The following GNAQ variants were observed in gnomAD, a reference collection of about 807,000 sequenced individuals.
GNAQ encodes guanine nucleotide-binding protein G(q) subunit alpha.
A neutral mutation model predicts 43.9 loss-of-function variants in GNAQ; 8 were observed. The observed-to-expected ratio is 0.18, with a 90% CI of 0.11 to 0.33. The LOEUF (loss-of-function observed/expected upper bound fraction) is 0.33, where lower values mean the gene tolerates loss of function less well. Ranked by LOEUF, GNAQ falls within the 10% of genes least tolerant of loss-of-function variation. The pLI is 1.00. For synonymous variants in GNAQ, 155 were observed against 170.7 expected (o/e 0.91, Z 0.71); for missense variants, 158 against 450.8 (o/e 0.35, Z 5.88).
chr9:78,004,485 G>A (rs1823681889), intron 1 of GNAQ, among the ~76,000 whole-genome samples: 1 of 151,876 alleles, frequency 6.6e-6, no homozygotes, highest in African/African-American at 2.4e-5. Flanking sequence ...AGGTCCCCAG[G>A]AGATTCTCAT....
intron 1 of GNAQ, among the ~76,000 whole-genome samples, chr9:77,971,925 G>A (rs1184111195): frequency 6.6e-6 from 1 of 152,070 alleles, no homozygotes; most frequent in East Asian, 1.9e-4. Context: ...ATTGTGAATG[G>A]GAGTTCACTC....
chr9:78,015,666 A>G (rs1438665404), intron 1 of GNAQ, among the ~76,000 whole-genome samples: 2 of 152,202 alleles, frequency 1.3e-5, no homozygotes, highest in Non-Finnish European at 2.9e-5. Flanking sequence ...GAAACAGTAC[A>G]GACCACATTC....
intron 2 of GNAQ, among the ~76,000 whole-genome samples, chr9:77,855,177 A>C (rs1827732722): frequency 6.6e-6 from 1 of 152,202 alleles, no homozygotes; most frequent in Non-Finnish European, 1.5e-5. Context: ...CTGAAAACAT[A>C]AATGAAAATT....
At chr9:77,759,222 T>C (rs948866376) in intron 5 of GNAQ, among the ~76,000 whole-genome samples, 1 of 152,218 alleles carries the variant, frequency 6.6e-6, no homozygotes, top group Admixed American at 6.5e-5. Flanking sequence ...CTGAACTGAA[T>C]GCCATTATAA....
chr9:77,948,709 A>G (rs1822937060), intron 1 of GNAQ, among the ~76,000 whole-genome samples: 1 of 152,264 alleles, frequency 6.6e-6, no homozygotes, highest in South Asian at 2.1e-4. Context: ...GGTAAATTTT[A>G]TTTTCCTGAT....
intron 2 of GNAQ, among the ~76,000 whole-genome samples, chr9:77,871,733 A>G (rs1828041214): frequency 6.6e-6 from 1 of 152,200 alleles, no homozygotes; most frequent in Non-Finnish European, 1.5e-5. Context: ...AGTGTACTAT[A>G]AAAACATCAC....
chr9:77,753,841 A>G (rs900574030), intron 5 of GNAQ, among the ~76,000 whole-genome samples: 3 of 96,516 alleles, frequency 3.1e-5, no homozygotes, highest in Non-Finnish European at 9.2e-5. Flanking sequence ...TACTTGAATT[A>G]ATTAAAAAGC....
chr9:77,787,071 C>T (rs1386660552), intron 5 of GNAQ, among the ~76,000 whole-genome samples: 2 of 152,020 alleles, frequency 1.3e-5, no homozygotes, highest in Non-Finnish European at 2.9e-5. Flanking sequence ...AATCTAGACA[C>T]AAAAGAAAAT....
At position 77,753,787 on chromosome 9, in the gene GNAQ, A is replaced by C. The variant is rs566774919; in HGVS notation, c.736-25120T>G. 1.1e-4 allele frequency among the ~76,000 whole-genome samples: 16 copies of C among 152,308 alleles called. No homozygotes were observed. In the East Asian group the frequency reaches 2.9e-3, roughly 28 times the overall value. On this transcript the variant is annotated intron_variant, in intron 5 of 6. Transcript: ENST00000286548. ...CCTAAGCCCATTATTGTACAATATG[A>C]ATAACAGAAAAGGCACTGTATAGTC... is the stretch of plus-strand genomic sequence containing the variant.
At chr9:77,767,536 A>C (rs571256507) in intron 5 of GNAQ, among the ~76,000 whole-genome samples, 77 of 152,350 alleles carry the variant, frequency 5.1e-4, no homozygotes, top group African/African-American at 1.8e-3. Flanking sequence ...ATTATCAGCA[A>C]GTAATACAAG....
chr9:77,868,886 C>T (rs11145598), intron 2 of GNAQ, among the ~76,000 whole-genome samples: 14,234 of 152,150 alleles, frequency 0.094, 1,377 homozygotes, highest in African/African-American at 0.21. Flanking sequence ...ACTTGGGAGG[C>T]TGAGGCAAGA....
At chr9:77,930,675 C>T (rs1478212934) in intron 1 of GNAQ, among the ~76,000 whole-genome samples, 6 of 152,088 alleles carry the variant, frequency 3.9e-5, no homozygotes, top group Non-Finnish European at 7.4e-5. Context: ...TACTAAAAAA[C>T]TTTTTCTCAA....
intron 4 of GNAQ, among the ~76,000 whole-genome samples, chr9:77,797,040 T>C (rs767228345): frequency 1.2e-4 from 18 of 152,110 alleles, no homozygotes; most frequent in African/African-American, 1.9e-4. Context: ...CTCTCTCTTT[T>C]GTTTTTTTTT....
At chr9:77,946,807 T>C (rs185980063) in intron 1 of GNAQ, among the ~76,000 whole-genome samples, 8 of 152,316 alleles carry the variant, frequency 5.3e-5, no homozygotes, top group Admixed American at 2.0e-4. Context: ...CTAGGTAGCT[T>C]TGAGCAAGTT....
At chr9:77,951,079 G>A (rs1160826035) in intron 1 of GNAQ, among the ~76,000 whole-genome samples, 3 of 145,230 alleles carry the variant, frequency 2.1e-5, no homozygotes, top group East Asian at 4.1e-4. Context: ...AATACTGAAC[G>A]CAGTCAAGTG....
intron 1 of GNAQ, among the ~76,000 whole-genome samples, chr9:78,000,614 T>C (rs917700564): frequency 9.9e-5 from 15 of 152,204 alleles, no homozygotes; most frequent in African/African-American, 3.4e-4. Context: ...CCAACAAGCA[T>C]AGTAATTCTG....
chr9:77,941,324 A>C (rs543144908), intron 1 of GNAQ, among the ~76,000 whole-genome samples: 14 of 151,994 alleles, frequency 9.2e-5, no homozygotes, highest in Admixed American at 9.2e-4. Context: ...ATCTTGGCTC[A>C]GTACAAGCTC....
At chr9:77,816,631 A>G (rs1388307435) in intron 2 of GNAQ, among the ~76,000 whole-genome samples, 1 of 152,192 alleles carries the variant, frequency 6.6e-6, no homozygotes, top group Non-Finnish European at 1.5e-5. Context: ...ATACACACAC[A>G]AAGTATATAT....
intron 1 of GNAQ, among the ~76,000 whole-genome samples, chr9:77,930,046 T>C (rs1829127142): frequency 6.6e-6 from 1 of 152,212 alleles, no homozygotes; most frequent in South Asian, 2.1e-4. Flanking sequence ...AATAATGCTC[T>C]GATAAACACC....
Sources: allele counts gnomAD v4.1 joint callset (sites outside exome capture counted in the v4.1 genomes callset), GRCh38; gene constraint gnomAD v4.1.1; transcripts MANE v1.5; gene names NCBI Gene and HGNC (gene_info 2026-07-23, HGNC 2026-07-21).